Variants in TMEM232 observed in about 807,000 individuals in gnomAD.
TMEM232 encodes transmembrane protein 232.
In TMEM232, 80 loss-of-function variants were observed where a neutral mutation model predicts 78.8. The observed-to-expected ratio is 1.01, with a 90% CI of 0.85 to 1.22. TMEM232 has a LOEUF of 1.22. Among genes scored for constraint, TMEM232 ranks in the 50% most tolerant of loss-of-function variants. The pLI, the probability that TMEM232 is intolerant of heterozygous loss-of-function variation, is 0.00. For missense variants in TMEM232, 881 were observed against 742.2 expected, an observed-to-expected ratio of 1.19 and a Z score of -2.17; for synonymous variants, 297 against 254.3, an observed-to-expected ratio of 1.17 and a Z score of -1.60.
At chr5:110,629,160 CATAGAT>C (rs1347998483) in intron 5 of TMEM232, among the ~76,000 whole-genome samples, 2 of 151,848 alleles carry the variant, frequency 1.3e-5, no homozygotes, top group African/African-American at 2.4e-5. Context: ...AAACTACTCT[CATAGAT>C]ATAGACAATG....
intron 1 of TMEM232, among the ~76,000 whole-genome samples, chr5:110,702,270 C>T (rs752250226): frequency 6.6e-6 from 1 of 152,046 alleles, no homozygotes; most frequent in Non-Finnish European, 1.5e-5. Flanking sequence ...AGGGTTCTAA[C>T]CCAAAACCAT....
chr5:110,655,292 G>A lies in TMEM232; in HGVS notation c.125+11936C>T, dbSNP rs867595769. ...AAAGAAGACATTTATGCAGCCAAAA[G>A]ACACATGAAAAAATGCTCATCATCA... is the stretch of plus-strand genomic sequence containing the variant. On this transcript the variant is annotated intron_variant, in intron 2 of 13. Transcript: ENST00000455884. Among the ~76,000 whole-genome samples, 976 of 149,850 alleles carry A rather than the reference G, an allele frequency of 6.5e-3. 13 individuals carry two copies. The highest frequency in any genetic ancestry group is 0.023 in the African/African-American group (948 of 40,944).
At chr5:110,494,057 G>C (rs550213251) in intron 12 of TMEM232, among the ~76,000 whole-genome samples, 4 of 152,106 alleles carry the variant, frequency 2.6e-5, no homozygotes, top group African/African-American at 4.8e-5. Context: ...GAGAATGATG[G>C]TTTCCAGTTT....
intron 2 of TMEM232, chr5:110,666,948 C>T (rs745416941): frequency 9.2e-6 from 2 of 217,600 alleles, no homozygotes; most frequent in East Asian, 1.2e-4. Flanking sequence ...TAAAATGCTT[C>T]ATGATACAGG....
At chr5:110,691,062 T>C (rs1002953319) in intron 1 of TMEM232, among the ~76,000 whole-genome samples, 2 of 150,496 alleles carry the variant, frequency 1.3e-5, no homozygotes, top group Non-Finnish European at 2.9e-5. Flanking sequence ...CCATGGCATG[T>C]GTAGCAAACC....
chr5:110,711,907 C>T (rs575225188), intron 1 of TMEM232, among the ~76,000 whole-genome samples: 2 of 151,850 alleles, frequency 1.3e-5, no homozygotes, highest in South Asian at 4.2e-4. Context: ...GAGAACAAGA[C>T]CATACCGGCT....
intron 2 of TMEM232, among the ~76,000 whole-genome samples, chr5:110,398,442 G>T (rs1755473344): frequency 6.6e-6 from 1 of 152,112 alleles, no homozygotes; most frequent in African/African-American, 2.4e-5. Flanking sequence ...GCCCAAAAGT[G>T]CTCCAGGTTT....
chr5:110,738,183 T>C (rs1458431736), upstream of TMEM232: 9 of 1,273,378 alleles, frequency 7.1e-6, no homozygotes, highest in Non-Finnish European at 8.2e-6. Context: ...GATGAAACCA[T>C]GGAAGTCTTC....
chr5:110,696,719 A>G (rs182516297), intron 1 of TMEM232, among the ~76,000 whole-genome samples: 5 of 152,314 alleles, frequency 3.3e-5, no homozygotes, highest in Non-Finnish European at 5.9e-5. Flanking sequence ...AGAGAATAAA[A>G]TACCTAGGAA....
intron 12 of TMEM232, among the ~76,000 whole-genome samples, chr5:110,527,283 C>T (rs760462783): frequency 1.3e-5 from 2 of 151,812 alleles, no homozygotes; most frequent in Non-Finnish European, 2.9e-5. Flanking sequence ...CAGTAATATA[C>T]TGTGGCAATA....
intron 2 of TMEM232, among the ~76,000 whole-genome samples, chr5:110,411,488 C>T (rs535646233): frequency 2.6e-5 from 4 of 152,092 alleles, no homozygotes; most frequent in South Asian, 4.2e-4. Context: ...ATAAATTTAG[C>T]ATTTTAACCA....
intron 12 of TMEM232, among the ~76,000 whole-genome samples, chr5:110,523,970 G>GT (rs1769971003): frequency 8.3e-6 from 1 of 120,364 alleles, no homozygotes; most frequent in African/African-American, 2.9e-5. Flanking sequence ...AAAAAAAGGG[G>GT]GGGGGGCGGG....
intron 2 of TMEM232, among the ~76,000 whole-genome samples, chr5:110,645,578 G>T (rs912189759): frequency 6.6e-6 from 1 of 150,846 alleles, no homozygotes; most frequent in Non-Finnish European, 1.5e-5. Context: ...TTACTTTACA[G>T]AATAAAGACC....
chr5:110,490,353 T>G (rs1441166379), intron 12 of TMEM232, among the ~76,000 whole-genome samples: 2 of 152,054 alleles, frequency 1.3e-5, no homozygotes, highest in Non-Finnish European at 2.9e-5. Flanking sequence ...AGAATATCAT[T>G]GAAAGGGATT....
chr5:110,600,031 T>G (rs1325518656), intron 10 of TMEM232, among the ~76,000 whole-genome samples: 1 of 152,106 alleles, frequency 6.6e-6, no homozygotes, highest in Non-Finnish European at 1.5e-5. Context: ...CAAAACTACA[T>G]GAAAACTCAA....
intron 1 of TMEM232, among the ~76,000 whole-genome samples, chr5:110,680,627 G>C (rs1792616563): frequency 6.6e-6 from 1 of 151,828 alleles, no homozygotes. Context: ...TTCTAAAGCA[G>C]AAAACCTTCT....
chr5:110,551,223 GTTTTT>G (rs1393602577), intron 11 of TMEM232, among the ~76,000 whole-genome samples: 2 of 151,580 alleles, frequency 1.3e-5, no homozygotes, highest in Non-Finnish European at 2.9e-5. Flanking sequence ...TTGTTTGTTT[GTTTTT>G]GTTTGTTTGT....
At chr5:110,629,935 T>A (rs776296947) in intron 5 of TMEM232, among the ~76,000 whole-genome samples, 10 of 152,198 alleles carry the variant, frequency 6.6e-5, no homozygotes, top group Non-Finnish European at 1.0e-4. Flanking sequence ...GGGGATCATA[T>A]GTTTCTGGAT....
intron 12 of TMEM232, among the ~76,000 whole-genome samples, chr5:110,524,613 A>T (rs1770295511): frequency 6.6e-6 from 1 of 152,124 alleles, no homozygotes; most frequent in Non-Finnish European, 1.5e-5. Flanking sequence ...ATGAGTGTGT[A>T]TGCTGCTGCT....
Sources: gnomAD v4.1 joint callset for allele counts (sites outside exome capture counted in the v4.1 genomes callset) on GRCh38, gnomAD v4.1.1 for gene constraint, MANE v1.5 for transcripts, NCBI Gene and HGNC (gene_info 2026-07-23, HGNC 2026-07-21) for gene names.